GLMN: variants seen among roughly 807,000 people sequenced by gnomAD.
The protein encoded by GLMN is glomulin.
Under a neutral mutation model 87.8 loss-of-function variants are expected in GLMN, and 75 were observed. That is an observed-to-expected ratio of 0.85 (90% CI 0.71 to 1.04). GLMN has a LOEUF of 1.04. Ranked by LOEUF, GLMN falls within the 50% of genes least tolerant of loss-of-function variation. The pLI is 0.00. For synonymous variants in GLMN, 206 were observed against 221.6 expected, an observed-to-expected ratio of 0.93 and a Z score of 0.63; for missense variants, 588 against 658.8, an observed-to-expected ratio of 0.89 and a Z score of 1.18.
the GLMN span, among the ~76,000 whole-genome samples, chr1:92,339,991 G>A: frequency 6.6e-6 from 1 of 152,126 alleles, no homozygotes; most frequent in Admixed American, 6.5e-5. Context: ...CTGGGAGTTG[G>A]TAACTGTCAA....
At chr1:92,298,172 T>C (rs1650362612) in intron 1 of GLMN, 143 bp from the exon 2 acceptor site, 1 of 583,428 alleles carries the variant, frequency 1.7e-6, no homozygotes, top group Non-Finnish European at 3.1e-6. Flanking sequence ...TCCAATAGCA[T>C]GCTAGGAGAA....
chr1:92,361,956 A>G, the GLMN span, among the ~76,000 whole-genome samples: 2 of 152,214 alleles, frequency 1.3e-5, no homozygotes, highest in African/African-American at 4.8e-5. Flanking sequence ...CATCACAGAT[A>G]CAATTCTGGA....
At chr1:92,288,279 C>T (rs890308532) in intron 6 of GLMN, among the ~76,000 whole-genome samples, 8 of 152,044 alleles carry the variant, frequency 5.3e-5, no homozygotes, top group Non-Finnish European at 8.8e-5. Flanking sequence ...AACACAATTT[C>T]TCCACAGAGC....
the GLMN span, among the ~76,000 whole-genome samples, chr1:92,365,238 T>G: frequency 6.6e-6 from 1 of 152,186 alleles, no homozygotes; most frequent in African/African-American, 2.4e-5. Flanking sequence ...TATAAAAATC[T>G]CATTTTCTTT....
chr1:92,278,991 C>T (rs1307984613), intron 7 of GLMN, among the ~76,000 whole-genome samples: 4 of 152,180 alleles, frequency 2.6e-5, no homozygotes, highest in African/African-American at 9.7e-5. Flanking sequence ...TTCTTTACAC[C>T]TATTTTTTCA....
At chr1:92,316,366 C>T in the GLMN span, among the ~76,000 whole-genome samples, 5 of 152,146 alleles carry the variant, frequency 3.3e-5, no homozygotes, top group African/African-American at 1.2e-4. Context: ...CAGGGTTTGA[C>T]ATGTCTCAAA....
At chr1:92,328,511 T>C in the GLMN span, among the ~76,000 whole-genome samples, 1 of 152,228 alleles carries the variant, frequency 6.6e-6, no homozygotes, top group East Asian at 1.9e-4. Flanking sequence ...GTTTTTTATT[T>C]ATGCTATCTA....
the GLMN span, chr1:92,324,161 C>T: frequency 1.2e-6 from 2 of 1,614,122 alleles, no homozygotes; most frequent in South Asian, 2.2e-5. Flanking sequence ...GACATAATCT[C>T]AGATCCAGAT....
At chr1:92,299,735 C>T (rs1650665567), upstream of GLMN, among the ~76,000 whole-genome samples, 1 of 152,176 alleles carries the variant, frequency 6.6e-6, no homozygotes, top group Non-Finnish European at 1.5e-5. Context: ...CTCTCCCTTC[C>T]TATTTCATTT....
chr1:92,348,997 A>T, the GLMN span, among the ~76,000 whole-genome samples: 3 of 152,238 alleles, frequency 2.0e-5, no homozygotes, highest in Non-Finnish European at 4.4e-5. Flanking sequence ...AAACACATGC[A>T]CACGTTATTT....
intron 7 of GLMN, among the ~76,000 whole-genome samples, chr1:92,278,826 ATCT>A (rs1557547568): frequency 6.6e-6 from 1 of 152,176 alleles, no homozygotes; most frequent in Non-Finnish European, 1.5e-5. Flanking sequence ...ACAACCAAAG[ATCT>A]TCTGATACTC....
the GLMN span, chr1:92,323,885 C>A: frequency 1.9e-6 from 3 of 1,613,956 alleles, no homozygotes; most frequent in South Asian, 3.3e-5. Flanking sequence ...TACAGTAGGT[C>A]AGAAATAACT....
chr1:92,269,200 CT>C (rs769947623), intron 9 of GLMN, among the ~76,000 whole-genome samples: 774 of 131,952 alleles, frequency 5.9e-3, no homozygotes, highest in Middle Eastern at 0.016. Context: ...CCGTGCCTGG[CT>C]TTTTTTTTTT....
chr1:92,328,514 GCTAT>G, the GLMN span, among the ~76,000 whole-genome samples: 2 of 152,044 alleles, frequency 1.3e-5, no homozygotes, highest in African/African-American at 4.8e-5. Flanking sequence ...TTTTATTTAT[GCTAT>G]CTATTTCACT....
At chr1:92,343,328 G>A in the GLMN span, among the ~76,000 whole-genome samples, 2 of 152,196 alleles carry the variant, frequency 1.3e-5, no homozygotes, top group Non-Finnish European at 2.9e-5. Context: ...AGAACCCTGT[G>A]AGGTGGGTGA....
At chr1:92,351,305 C>CAAAAA in the GLMN span, among the ~76,000 whole-genome samples, 246 of 86,484 alleles carry the variant, frequency 2.8e-3, no homozygotes, top group Non-Finnish European at 3.9e-3. Context: ...GACTCTGTCT[C>CAAAAA]AAAAAAAAAA....
the GLMN span, among the ~76,000 whole-genome samples, chr1:92,348,970 TATAAAG>T: frequency 0.26 from 38,939 of 151,814 alleles, 6,354 homozygotes; most frequent in Non-Finnish European, 0.35. Context: ...GACATGCACA[TATAAAG>T]AGAAAGGACG....
chr1:92,259,732 CTTTTTTTTT>C (rs58390058), intron 16 of GLMN, among the ~76,000 whole-genome samples: 5 of 108,192 alleles, frequency 4.6e-5, no homozygotes, highest in East Asian at 2.9e-4. Context: ...TTTTTTCTTT[CTTTTTTTTT>C]TTTTTTTTTT....
At chr1:92,299,047 TC>T (rs994415602), upstream of GLMN, 8 of 1,374,808 alleles carry the variant, frequency 5.8e-6, no homozygotes, top group Admixed American at 7.6e-5. Flanking sequence ...CCGGAGCGTG[TC>T]CCCGTCCGGC....
Sources: gnomAD v4.1 joint callset for allele counts (sites outside exome capture counted in the v4.1 genomes callset) on GRCh38, gnomAD v4.1.1 for gene constraint, MANE v1.5 for transcripts, NCBI Gene and HGNC (gene_info 2026-07-23, HGNC 2026-07-21) for gene names.